KCNK2: variants seen among roughly 807,000 people sequenced by gnomAD.
KCNK2 encodes potassium two pore domain channel subfamily K member 2, also known as potassium channel subfamily K member 2.
A neutral mutation model predicts 40.5 loss-of-function variants in KCNK2; 21 were observed. That is an observed-to-expected ratio of 0.52 (90% CI 0.37 to 0.75). The LOEUF is 0.75. KCNK2 is among the 30% of genes least tolerant of loss of function. The pLI is 0.00. For synonymous variants in KCNK2, 191 were observed against 202.2 expected, an observed-to-expected ratio of 0.94 and a Z score of 0.47; for missense variants, 399 against 531.6, an observed-to-expected ratio of 0.75 and a Z score of 2.45.
intron 3 of KCNK2, among the ~76,000 whole-genome samples, chr1:215,141,314 A>G (rs1393384141): frequency 3.3e-5 from 5 of 152,166 alleles, no homozygotes; most frequent in African/African-American, 1.2e-4. Flanking sequence ...TGTACTGTAC[A>G]TAATTGTACG....
At chr1:215,024,460 C>T (rs1488669765) in intron 1 of KCNK2, among the ~76,000 whole-genome samples, 1 of 152,180 alleles carries the variant, frequency 6.6e-6, no homozygotes, top group East Asian at 1.9e-4. Context: ...AAGCCTATGC[C>T]GTCTTTCAGA....
intron 6 of KCNK2, among the ~76,000 whole-genome samples, chr1:215,219,055 C>G (rs1004319205): frequency 3.3e-5 from 5 of 152,144 alleles, no homozygotes; most frequent in African/African-American, 1.2e-4. Flanking sequence ...AATTCTGCTT[C>G]GTCATGCAGT....
chr1:215,209,157 T>C (rs1179800150), intron 6 of KCNK2, among the ~76,000 whole-genome samples: 1 of 146,420 alleles, frequency 6.8e-6, no homozygotes, highest in Non-Finnish European at 1.5e-5. Flanking sequence ...GCTATTTCTT[T>C]TAGTGAGGGC....
intron 6 of KCNK2, among the ~76,000 whole-genome samples, chr1:215,224,959 C>A (rs1417361442): frequency 2.0e-5 from 3 of 152,002 alleles, no homozygotes; most frequent in African/African-American, 7.2e-5. Flanking sequence ...ATAAATAGCA[C>A]CTCATAAAGA....
chr1:215,007,029 A>ATATATGTGTGTGTG (rs1553254668), intron 1 of KCNK2, among the ~76,000 whole-genome samples: 4,382 of 66,172 alleles, frequency 0.066, 233 homozygotes, highest in Non-Finnish European at 0.1. Context: ...ATATATATAT[A>ATATATGTGTGTGTG]TATATATATG....
chr1:215,173,277 T>C (rs1187218450), intron 5 of KCNK2, among the ~76,000 whole-genome samples: 2 of 152,180 alleles, frequency 1.3e-5, no homozygotes. Flanking sequence ...GCTTCATCCA[T>C]GTCCCTACAA....
intron 6 of KCNK2, among the ~76,000 whole-genome samples, chr1:215,216,994 A>G (rs1375011764): frequency 6.6e-6 from 1 of 152,226 alleles, no homozygotes; most frequent in East Asian, 1.9e-4. Flanking sequence ...ATGGTCTGTA[A>G]TTGATATCTT....
intron 2 of KCNK2, among the ~76,000 whole-genome samples, chr1:215,091,331 C>T (rs1441979151): frequency 1.3e-5 from 2 of 152,032 alleles, no homozygotes; most frequent in Non-Finnish European, 2.9e-5. Flanking sequence ...GAGCATTGTT[C>T]CATACCAGGG....
intron 5 of KCNK2, among the ~76,000 whole-genome samples, chr1:215,187,808 C>G (rs1664506348): frequency 6.8e-6 from 1 of 147,396 alleles, no homozygotes; most frequent in Non-Finnish European, 1.5e-5. Flanking sequence ...CACCACAGCT[C>G]TCTAGCCTGG....
intron 1 of KCNK2, among the ~76,000 whole-genome samples, chr1:215,060,227 A>G (rs1403791533): frequency 6.6e-6 from 1 of 152,168 alleles, no homozygotes; most frequent in African/African-American, 2.4e-5. Flanking sequence ...CCGCAACTAA[A>G]CAGAGAAAAA....
chr1:215,169,376 T>C lies in KCNK2; in HGVS notation c.636+17T>C. On this transcript the variant is annotated intron_variant, in intron 4 of 6. Coordinates refer to ENST00000444842, the MANE Select transcript of KCNK2 (RefSeq NM_001017425.3). ...ACGTTTATTGTGAGTATGATAGATATTTAACTACGTATATTTATTGTTTGA... is the reference window on the plus strand; with the variant it reads ...ACGTTTATTGTGAGTATGATAGATACTTAACTACGTATATTTATTGTTTGA... 1.3e-6 allele frequency: 2 copies of C among 1,563,244 alleles called. No homozygotes were observed. Among genetic ancestry groups the C allele is most frequent in the Non-Finnish European group, 1.7e-6 (2 of 1,145,196 alleles).
intron 5 of KCNK2, among the ~76,000 whole-genome samples, chr1:215,178,772 A>G (rs1235816955): frequency 6.6e-6 from 1 of 152,100 alleles, no homozygotes; most frequent in Middle Eastern, 3.2e-3. Flanking sequence ...AGATTTTTGC[A>G]TCTACATTCA....
At chr1:215,108,213 G>C (rs371956937) in intron 2 of KCNK2, among the ~76,000 whole-genome samples, 5 of 152,248 alleles carry the variant, frequency 3.3e-5, no homozygotes, top group Admixed American at 6.5e-5. Context: ...TGTGCAGCCT[G>C]GTTCTTAATA....
chr1:215,058,647 G>A (rs1436591957), intron 1 of KCNK2, among the ~76,000 whole-genome samples: 1 of 152,084 alleles, frequency 6.6e-6, no homozygotes, highest in Non-Finnish European at 1.5e-5. Context: ...ATTGTACTAT[G>A]TTTAAAATCC....
chr1:215,036,832 T>C (rs1657402291), intron 1 of KCNK2, among the ~76,000 whole-genome samples: 1 of 151,892 alleles, frequency 6.6e-6, no homozygotes, highest in South Asian at 2.1e-4. Context: ...TTGTTTGTAC[T>C]AGTATATAGA....
At chr1:215,018,324 G>C (rs116461427) in intron 1 of KCNK2, among the ~76,000 whole-genome samples, 1,947 of 152,216 alleles carry the variant, frequency 0.013, 39 homozygotes, top group African/African-American at 0.044. Context: ...ATCAAGAAAT[G>C]TAGAATATCA....
intron 3 of KCNK2, among the ~76,000 whole-genome samples, chr1:215,131,767 A>G (rs1472340838): frequency 6.6e-6 from 1 of 152,092 alleles, no homozygotes; most frequent in Non-Finnish European, 1.5e-5. Flanking sequence ...TCCTTAGAGC[A>G]ACATTTCTCA....
At chr1:215,016,915 C>T (rs191017507) in intron 1 of KCNK2, among the ~76,000 whole-genome samples, 1 of 152,030 alleles carries the variant, frequency 6.6e-6, no homozygotes, top group Non-Finnish European at 1.5e-5. Context: ...AAACAAATAA[C>T]CCAATTAACA....
chr1:215,215,813 G>A (rs993905227), intron 6 of KCNK2, among the ~76,000 whole-genome samples: 13 of 152,138 alleles, frequency 8.5e-5, no homozygotes, highest in African/African-American at 1.9e-4. Flanking sequence ...CAGGCCCACG[G>A]CACTTCTGAT....
Sources: gnomAD v4.1 joint callset for allele counts (sites outside exome capture counted in the v4.1 genomes callset) on GRCh38, gnomAD v4.1.1 for gene constraint, MANE v1.5 for transcripts, NCBI Gene and HGNC (gene_info 2026-07-23, HGNC 2026-07-21) for gene names.